The following SLC9A7 variants were observed in gnomAD, a reference collection of about 807,000 sequenced individuals.
The protein encoded by SLC9A7 is solute carrier family 9 member A7.
SLC9A7 carries 19 observed loss-of-function variants against 52.6 expected under a neutral mutation model. That is an observed-to-expected ratio of 0.36 (90% CI 0.25 to 0.53). The LOEUF (loss-of-function observed/expected upper bound fraction) is 0.53, where lower values mean the gene tolerates loss of function less well. Ranked by LOEUF, SLC9A7 falls within the 20% of genes least tolerant of loss-of-function variation. The pLI, the probability that SLC9A7 is intolerant of heterozygous loss-of-function variation, is 0.91. For missense variants in SLC9A7, 455 were observed against 597.9 expected (o/e 0.76, Z 2.49); for synonymous variants, 226 against 252.1 (o/e 0.90, Z 0.98).
At chrX:46,612,025 A>C in intron 16 of SLC9A7, among the ~76,000 whole-genome samples, 1 of 111,375 alleles carries the variant, frequency 9.0e-6, no homozygotes, top group East Asian at 2.8e-4. Context: ...TCTCATCACC[A>C]ATCAAGTAAA....
chrX:46,602,430 TCTAGA>T lies in SLC9A7; in HGVS notation c.*4517_*4521del, dbSNP rs1175979278. ...AATAGTCTAGAGGTCTGCTGCGAGC[TCTAGA>T]CTAAAGGCTCTTGTCAATCCTGGCT... On this transcript the variant is annotated 3_prime_UTR_variant, in exon 17 of 17. Transcript: ENST00000616978. The T allele has an allele frequency of 8.9e-6, 1 of 111,914 alleles. No individual in the cohort carries two copies. The highest frequency in any genetic ancestry group is 1.9e-5 in the Non-Finnish European group (1 of 53,209). The allele number at this position is 111,914 out of a possible 1,213,427, so 9.2% of individuals were successfully genotyped here.
At chrX:46,749,612 G>A (rs1281866198) in intron 1 of SLC9A7, among the ~76,000 whole-genome samples, 2 of 111,828 alleles carry the variant, frequency 1.8e-5, no homozygotes, top group Non-Finnish European at 3.8e-5. Flanking sequence ...CATATCAATG[G>A]AATAACACCT....
chrX:46,743,146 G>A (rs764408848), intron 1 of SLC9A7, among the ~76,000 whole-genome samples: 13 of 112,037 alleles, frequency 1.2e-4, no homozygotes, highest in Middle Eastern at 8.4e-3. Flanking sequence ...AAAGCTAACA[G>A]CCAGTTGACA....
At chrX:46,676,622 T>C in intron 3 of SLC9A7, among the ~76,000 whole-genome samples, 1 of 112,175 alleles carries the variant, frequency 8.9e-6, no homozygotes, top group Admixed American at 9.4e-5. Flanking sequence ...TGATTATACA[T>C]TAAGATTAGT....
intron 14 of SLC9A7, among the ~76,000 whole-genome samples, chrX:46,629,623 C>A (rs922203193): frequency 8.9e-6 from 1 of 111,820 alleles, no homozygotes; most frequent in African/African-American, 3.3e-5. Context: ...TTTGAATGGT[C>A]CAGAGCAAGA....
At chrX:46,618,441 T>A (rs1483236017) in intron 15 of SLC9A7, among the ~76,000 whole-genome samples, 1 of 111,061 alleles carries the variant, frequency 9.0e-6, no homozygotes, top group Non-Finnish European at 1.9e-5. Context: ...TCTCTAGATT[T>A]TTTTTCTAGA....
chrX:46,614,005 C>A (rs1056668680), intron 15 of SLC9A7, among the ~76,000 whole-genome samples: 4 of 111,779 alleles, frequency 3.6e-5, no homozygotes, highest in Non-Finnish European at 7.5e-5. Context: ...TTCACTCTAC[C>A]CACAGCTTCT....
intron 1 of SLC9A7, among the ~76,000 whole-genome samples, chrX:46,757,751 G>A (rs1325731125): frequency 4.5e-5 from 3 of 66,649 alleles, no homozygotes; most frequent in African/African-American, 2.3e-4. Context: ...AGGGCGAGGG[G>A]GGAGGCAGGG....
chrX:46,713,511 T>A (rs199835455), intron 1 of SLC9A7, among the ~76,000 whole-genome samples: 2 of 102,326 alleles, frequency 2.0e-5, no homozygotes, highest in East Asian at 3.0e-4. Context: ...CAAAAAAAAT[T>A]AAAAAAAAAA....
At chrX:46,671,657 A>AT (rs1944026906) in intron 4 of SLC9A7, among the ~76,000 whole-genome samples, 1 of 111,339 alleles carries the variant, frequency 9.0e-6, no homozygotes, top group Admixed American at 9.5e-5. Flanking sequence ...GATTTGTCTG[A>AT]TTTTTTTTCT....
At chrX:46,730,670 TTATATATATATATA>T (rs57157177) in intron 1 of SLC9A7, among the ~76,000 whole-genome samples, 3,562 of 42,897 alleles carry the variant, frequency 0.083, 334 homozygotes, top group African/African-American at 0.17. Context: ...AAAAAAAAAA[TTATATATATATATA>T]TATATATATA....
intron 7 of SLC9A7, among the ~76,000 whole-genome samples, chrX:46,654,977 T>C (rs1241539283): frequency 1.9e-5 from 2 of 104,825 alleles, no homozygotes; most frequent in East Asian, 5.8e-4. Flanking sequence ...TTTCTTTCTT[T>C]CTTTCTTTTT....
At chrX:46,634,861 A>G (rs1371215616) in intron 13 of SLC9A7, among the ~76,000 whole-genome samples, 1 of 111,655 alleles carries the variant, frequency 9.0e-6, no homozygotes, top group Non-Finnish European at 1.9e-5. Context: ...GTTGAAGCCT[A>G]TTTTGCATTT....
At chrX:46,746,787 T>G (rs1364600224) in intron 1 of SLC9A7, among the ~76,000 whole-genome samples, 1 of 112,629 alleles carries the variant, frequency 8.9e-6, no homozygotes, top group Non-Finnish European at 1.9e-5. Flanking sequence ...TTCCACTTAC[T>G]GGGTATATAC....
chrX:46,629,983 T>C (rs1298357507), intron 14 of SLC9A7, among the ~76,000 whole-genome samples: 1 of 112,015 alleles, frequency 8.9e-6, no homozygotes, highest in Non-Finnish European at 1.9e-5. Context: ...TAATGGCCAA[T>C]TCTAAGATCA....
At chrX:46,742,908 C>T (rs761013268) in intron 1 of SLC9A7, among the ~76,000 whole-genome samples, 13 of 110,066 alleles carry the variant, frequency 1.2e-4, no homozygotes, top group South Asian at 4.0e-4. Context: ...AAAAATTAGC[C>T]GGGCGTGGTG....
At chrX:46,633,419 T>G (rs1411192064) in intron 13 of SLC9A7, among the ~76,000 whole-genome samples, 2 of 101,367 alleles carry the variant, frequency 2.0e-5, no homozygotes, top group Non-Finnish European at 4.0e-5. Flanking sequence ...TGTTTTGCAC[T>G]TTTTTTCCCC....
rs1001097806 is a variant in SLC9A7 at position 46,603,135 on chromosome X, C to T, written c.*3817G>A. ...GGGTAGGGTTACTGGGCAAATGCTG[C>T]AACTAGATTCTGGGCCCTCTCTTCC... On this transcript the variant is annotated 3_prime_UTR_variant, in exon 17 of 17. Transcript: ENST00000616978. The T allele has an allele frequency of 2.7e-5, 3 of 111,040 alleles. No homozygotes were observed. The highest frequency in any genetic ancestry group is 3.8e-5 in the Non-Finnish European group (2 of 52,923). The allele number at this position is 111,040 out of a possible 1,213,427, so 9.2% of individuals were successfully genotyped here.
chrX:46,685,793 C>T (rs1048192577), intron 1 of SLC9A7: 1 of 112,040 alleles, frequency 8.9e-6, no homozygotes, highest in African/African-American at 3.2e-5. Flanking sequence ...CTTCAACACT[C>T]ATCATAATAC....
Sources: allele counts gnomAD v4.1 joint callset (sites outside exome capture counted in the v4.1 genomes callset), GRCh38; gene constraint gnomAD v4.1.1; transcripts MANE v1.5; gene names NCBI Gene and HGNC (gene_info 2026-07-23, HGNC 2026-07-21).